Variants in COL4A2 observed in about 807,000 individuals in gnomAD.
COL4A2 encodes the protein collagen alpha-2(IV) chain.
In COL4A2, 99 loss-of-function variants were observed where a neutral mutation model predicts 200.2. That is an observed-to-expected ratio of 0.49 (90% CI 0.42 to 0.58). COL4A2 has a LOEUF of 0.58. Among genes scored for constraint, COL4A2 ranks in the 20% least tolerant of loss-of-function variants. The probability of loss-of-function intolerance (pLI) is 0.00; values close to 1 mark genes in which losing one functional copy is unlikely to be tolerated. For missense variants in COL4A2, 1,950 were observed against 2,314.1 expected (o/e 0.84, Z 3.23); for synonymous variants, 897 against 900.6 (o/e 1.00, Z 0.07).
chr13:110,333,821 A>C (rs2139364387), intron 3 of COL4A2, among the ~76,000 whole-genome samples: 1 of 152,332 alleles, frequency 6.6e-6, no homozygotes, highest in East Asian at 1.9e-4. Flanking sequence ...AAGAGCTCTT[A>C]CCTTGTGTGA....
chr13:110,341,972 G>T (rs1328862694), intron 3 of COL4A2, among the ~76,000 whole-genome samples: 4 of 152,176 alleles, frequency 2.6e-5, no homozygotes, highest in African/African-American at 9.7e-5. Context: ...TACATAGGAG[G>T]ACTACAAGCC....
chr13:110,466,204 G>A, intron 26 of COL4A2, 142 bp downstream of exon 26: 1 of 879,224 alleles, frequency 1.1e-6, no homozygotes, highest in African/African-American at 1.7e-5. Context: ...CAACATAGTG[G>A]CCTGGTGAGC....
intron 28 of COL4A2, among the ~76,000 whole-genome samples, chr13:110,470,061 T>G (rs1406678473): frequency 6.6e-6 from 1 of 152,032 alleles, no homozygotes; most frequent in Non-Finnish European, 1.5e-5. Context: ...ATTACAGGCA[T>G]GTGCCACCAC....
intron 16 of COL4A2, among the ~76,000 whole-genome samples, chr13:110,442,019 G>A (rs531320447): frequency 5.0e-4 from 71 of 143,022 alleles, no homozygotes; most frequent in African/African-American, 1.7e-3. Context: ...CTGGGAGGCA[G>A]AGGTTGCAGT....
intron 20 of COL4A2, among the ~76,000 whole-genome samples, chr13:110,451,029 A>C (rs541428731): frequency 6.6e-6 from 1 of 152,382 alleles, no homozygotes; most frequent in South Asian, 2.1e-4. Context: ...AGGCCCAGAC[A>C]AATGCCCATG....
intron 4 of COL4A2, among the ~76,000 whole-genome samples, chr13:110,390,470 G>A (rs1373050751): frequency 5.9e-5 from 9 of 152,212 alleles, no homozygotes; most frequent in African/African-American, 1.7e-4. Context: ...GTGGGACCCC[G>A]AGTGGTGATG....
intron 3 of COL4A2, among the ~76,000 whole-genome samples, chr13:110,317,928 T>G (rs904639132): frequency 6.6e-6 from 1 of 152,216 alleles, no homozygotes; most frequent in African/African-American, 2.4e-5. Context: ...AGACAGGGGA[T>G]TCCATTTTCC....
intron 18 of COL4A2, among the ~76,000 whole-genome samples, chr13:110,448,600 T>G (rs2296845): frequency 0.43 from 65,486 of 152,142 alleles, 14,349 homozygotes; most frequent in South Asian, 0.49. Flanking sequence ...ACAAAAAGGA[T>G]AGAGGGGTTT....
At chr13:110,474,920 G>T (rs1566555624) in intron 29 of COL4A2, among the ~76,000 whole-genome samples, 2 of 48,904 alleles carry the variant, frequency 4.1e-5, no homozygotes, top group South Asian at 1.4e-3. Flanking sequence ...TCACACACAT[G>T]CACATACCCA....
intron 4 of COL4A2, among the ~76,000 whole-genome samples, chr13:110,385,478 A>G (rs1878663235): frequency 6.6e-6 from 1 of 151,140 alleles, no homozygotes; most frequent in Non-Finnish European, 1.5e-5. Flanking sequence ...CCGTGGTTAC[A>G]GTGTGTGGAT....
chr13:110,395,914 T>C (rs531358647), intron 4 of COL4A2, among the ~76,000 whole-genome samples: 20 of 152,332 alleles, frequency 1.3e-4, no homozygotes, highest in Admixed American at 7.8e-4. Context: ...CACAGCACTT[T>C]AGTCTGGGCA....
In COL4A2 at chr13:110,307,972, C is replaced by T. The variant is rs746438132; in HGVS notation, c.44+25C>T. 2 of 1,612,196 alleles carry T rather than the reference C, an allele frequency of 1.2e-6. No individual in the cohort carries two copies. The highest frequency in any genetic ancestry group is 1.7e-6 in the Non-Finnish European group (2 of 1,179,332). ...GGTAAGCGACTTTCTGCCTGGTCCC[C>T]GTGGGTCACGCGCGCATGGACCCTT... is the stretch of plus-strand genomic sequence containing the variant. On this transcript the variant is annotated intron_variant, in intron 2 of 47. Coordinates refer to ENST00000360467, the MANE Select transcript of COL4A2 (RefSeq NM_001846.4). The surrounding 1 kb of genome is among the most constrained non-coding windows in gnomAD (Gnocchi z 5.0).
rs569766379 is a variant in COL4A2 at position 110,311,512 on chromosome 13, C to T, written c.99+3389C>T. On this transcript the variant is annotated intron_variant, in intron 3 of 47. Transcript: ENST00000360467. ...CCTCTGCGTCCTAGTTCTCCTCTCC[C>T]CCAAAACGGAGGTGTTACTCATCCC... is the stretch of plus-strand genomic sequence containing the variant. Among the ~76,000 whole-genome samples, 97 of 152,272 alleles carry T rather than the reference C, an allele frequency of 6.4e-4. 1 individual carries two copies. The highest frequency in any genetic ancestry group is 2.2e-4 in the Non-Finnish European group (15 of 68,020).
rs751993863 is a variant in COL4A2 at position 110,504,253 on chromosome 13, T to C, written c.4391T>C (p.Ile1464Thr). Reference protein sequence around the residue: ...DEGPIGHQGPIGQEGAPGRPG... With the variant: ...DEGPIGHQGPTGQEGAPGRPG... ...GGACCCATAGGCCACCAGGGGCCGA[T>C]TGGCCAAGAAGGTGAGTGACAGTGG... Residue 1464 changes from isoleucine (I) to threonine (T), a missense_variant, in exon 45 of 48, where the codon ATT becomes ACT. By Grantham distance (89) the Ile-to-Thr change is moderately conservative. Transcript: ENST00000360467. 5.0e-6 allele frequency: 8 copies of C among 1,613,584 alleles called. No homozygotes were observed. In the East Asian group the frequency reaches 1.3e-4, roughly 27 times the overall value.
chr13:110,493,065 TGAGTGACACCCCCATGGGTGAAATAAC>T, intron 38 of COL4A2, 119 bp from the exon 39 acceptor site: 14 of 858,402 alleles, frequency 1.6e-5, no homozygotes, highest in South Asian at 2.8e-5. Context: ...GAAATAACGA[TGAGTGACACCCCCATGGGTGAAATAAC>T]GATGAGTGAC....
At chr13:110,459,591 T>A (rs1444175107) in intron 22 of COL4A2, 1 of 149,528 alleles carries the variant, frequency 6.7e-6, no homozygotes, top group Non-Finnish European at 1.5e-5. Context: ...GGGTGGGGAG[T>A]ACCTGCTTAA....
rs753940339 is a variant in COL4A2 at position 110,495,337 on chromosome 13, C to G, written c.3635-5C>G. On this transcript the variant is annotated splice_polypyrimidine_tract_variant and splice_region_variant and intron_variant, in intron 39 of 47. Coordinates refer to ENST00000360467, the MANE Select transcript of COL4A2 (RefSeq NM_001846.4). ...ACATCAGCTGCTGTTATAACTCTTC[C>G]ACAGGTTCTGACATCCACGGAGACC... 1.2e-6 allele frequency: 2 copies of G among 1,614,100 alleles called. No homozygotes were observed. The highest frequency in any genetic ancestry group is 3.3e-5 in the Admixed American group (2 of 60,026).
At chr13:110,439,427 A>G (rs1269609052) in intron 15 of COL4A2, among the ~76,000 whole-genome samples, 1 of 152,200 alleles carries the variant, frequency 6.6e-6, no homozygotes, top group Non-Finnish European at 1.5e-5. Context: ...GATGCACGTT[A>G]TGAAAGTATT....
chr13:110,351,032 GTTTC>G (rs1345427088), intron 3 of COL4A2, among the ~76,000 whole-genome samples: 1 of 151,928 alleles, frequency 6.6e-6, no homozygotes, highest in South Asian at 2.1e-4. Flanking sequence ...TCTCTCTCTT[GTTTC>G]TTTCTTTCTT....
Sources: allele counts gnomAD v4.1 joint callset (sites outside exome capture counted in the v4.1 genomes callset), GRCh38; gene constraint gnomAD v4.1.1; non-coding constraint Gnocchi (gnomAD v3.1); transcripts MANE v1.5; gene names NCBI Gene and HGNC (gene_info 2026-07-23, HGNC 2026-07-21).